TMEM248: variants seen among roughly 807,000 people sequenced by gnomAD.
TMEM248 encodes transmembrane protein 248.
In TMEM248, 9 loss-of-function variants were observed where a neutral mutation model predicts 30.3. The ratio of observed to expected loss-of-function variants is 0.30; its 90% CI spans 0.18 to 0.52. The LOEUF is 0.52. TMEM248 is among the 20% of genes least tolerant of loss of function. The pLI, the probability that TMEM248 is intolerant of heterozygous loss-of-function variation, is 0.97. For synonymous variants in TMEM248, 184 were observed against 154.4 expected, an observed-to-expected ratio of 1.19 and a Z score of -1.42; for missense variants, 338 against 403.3, an observed-to-expected ratio of 0.84 and a Z score of 1.39.
chr7:66,921,629 C>T (rs1791387492), intron 1 of TMEM248, among the ~76,000 whole-genome samples, 168 bp downstream of exon 1: 1 of 152,148 alleles, frequency 6.6e-6, no homozygotes, highest in African/African-American at 2.4e-5. Flanking sequence ...CCAGCATCGG[C>T]CGACCTCGGC....
At chr7:66,948,171 A>G (rs1020832326) in intron 3 of TMEM248, among the ~76,000 whole-genome samples, 1 of 152,212 alleles carries the variant, frequency 6.6e-6, no homozygotes, top group African/African-American at 2.4e-5. Context: ...AGTCATGTTC[A>G]TGGGAGAGTA....
Position 66,956,429 on chromosome 7 carries a change from T to C in TMEM248, c.*907T>C, listed in dbSNP as rs1404317489. The C allele has an allele frequency of 2.0e-5, 3 of 152,070 alleles. No individual in the cohort carries two copies. The highest frequency in any genetic ancestry group is 4.8e-5 in the African/African-American group (2 of 41,324). The allele number at this position is 152,070 out of a possible 1,614,324, so 9.4% of individuals were successfully genotyped here. A position where few individuals can be genotyped will look rare whatever the true frequency, so the allele number is the denominator to read the frequency against. ...GCTCTTCTGCTTTCTGGAATGCAGATGACAGTATGGAAAGAAAGAATAATG... is the reference window on the plus strand; with the variant it reads ...GCTCTTCTGCTTTCTGGAATGCAGACGACAGTATGGAAAGAAAGAATAATG... On this transcript the variant is annotated 3_prime_UTR_variant, in exon 7 of 7. Coordinates refer to ENST00000341567, the MANE Select transcript of TMEM248 (RefSeq NM_017994.5).
Position 66,954,550 on chromosome 7 carries a change from C to T in TMEM248, c.925-952C>T, listed in dbSNP as rs111599052. ...TAGCTGGGACCACAGGCATGCATCA[C>T]CACACCTGGTTAATTTTTGTATTTT... is the stretch of plus-strand genomic sequence containing the variant. On this transcript the variant is annotated intron_variant, in intron 6 of 6. Transcript: ENST00000341567. Among the ~76,000 whole-genome samples the T allele has an allele frequency of 1.3e-3, 194 of 151,954 alleles. 1 individual carries two copies. Among genetic ancestry groups the T allele is most frequent in the African/African-American group, 4.5e-3 (187 of 41,468 alleles).
chr7:66,930,611 G>T (rs949469166), intron 1 of TMEM248: 3 of 152,368 alleles, frequency 2.0e-5, no homozygotes, highest in African/African-American at 7.2e-5. Context: ...CTCTCTGAAG[G>T]TTCATTCTGC....
At chr7:66,938,772 C>T (rs1291451187) in intron 1 of TMEM248, among the ~76,000 whole-genome samples, 1 of 152,174 alleles carries the variant, frequency 6.6e-6, no homozygotes, top group African/African-American at 2.4e-5. Context: ...TCCCAAAGTG[C>T]TGGGATTACA....
intron 1 of TMEM248, chr7:66,921,973 G>A (rs1791397405): frequency 6.6e-6 from 1 of 152,242 alleles, no homozygotes; most frequent in Admixed American, 6.6e-5. Flanking sequence ...AAAATGAGGA[G>A]TGATCGCAAG....
Position 66,945,071 on chromosome 7 carries a change from G to A in TMEM248, c.255G>A (p.Pro85=), listed in dbSNP as rs11771987. ...LKHLTNDTTT[P]ESTMTSGQAR... Reference sequence around the variant, plus strand: ...ATCTCACAAACGACACCACAACTCCGGAAAGTACAATGACCAGCGGGCAGG... The same window carrying A: ...ATCTCACAAACGACACCACAACTCCAGAAAGTACAATGACCAGCGGGCAGG... The change falls in exon 3 of 7, where the codon CCG becomes CCA. Residue 85 remains proline (P), a synonymous_variant. Transcript: ENST00000341567. 649 of 1,614,082 alleles carry A rather than the reference G, an allele frequency of 4.0e-4. 1 individual carries two copies. Among genetic ancestry groups the A allele is most frequent in the Non-Finnish European group, 4.9e-4 (573 of 1,180,044 alleles).
chr7:66,923,128 T>A (rs1259021353), intron 1 of TMEM248, among the ~76,000 whole-genome samples: 2 of 151,970 alleles, frequency 1.3e-5, no homozygotes, highest in African/African-American at 4.8e-5. Context: ...GATTTTGTTA[T>A]GGTTAGGATC....
chr7:66,929,071 A>G (rs937046663), intron 1 of TMEM248, among the ~76,000 whole-genome samples: 2 of 152,156 alleles, frequency 1.3e-5, no homozygotes, highest in Non-Finnish European at 2.9e-5. Context: ...TATGGGCAGG[A>G]GCCATTGTGC....
intron 3 of TMEM248, 119 bp downstream of exon 3, chr7:66,945,380 T>C (rs1396465640): frequency 8.6e-7 from 1 of 1,158,544 alleles, no homozygotes; most frequent in Non-Finnish European, 1.2e-6. Context: ...CGCGTGTCTT[T>C]TTTTTGTTGA....
Position 66,921,415 on chromosome 7 carries a change from AGCTGGCCCG to A in TMEM248, c.-59_-51del, listed in dbSNP as rs1229882947. ...GCGCGACCGCGGGCGTCCGCCGAGC[AGCTGGCCCG>A]GCTGGGCCCGGGGCGCGCAGCTGCC... On this transcript the variant is annotated 5_prime_UTR_variant, in exon 1 of 7. Transcript: ENST00000341567. 1 of 149,724 alleles carries A rather than the reference AGCTGGCCCG, an allele frequency of 6.7e-6. No individual in the cohort carries two copies. Among genetic ancestry groups the A allele is most frequent in the Non-Finnish European group, 1.5e-5 (1 of 67,254 alleles). The allele number at this position is 149,724 out of a possible 1,614,324, so 9.3% of individuals were successfully genotyped here. A position where few individuals can be genotyped will look rare whatever the true frequency, so the allele number is the denominator to read the frequency against.
chr7:66,955,487 C>T lies in TMEM248; in HGVS notation c.925-15C>T, dbSNP rs1562946853. The stretch of plus-strand genomic sequence containing the variant: ...TCCCTTTTTTGACTGGTTTCCCTGG[C>T]TTGCTGTCTTCCAGGTGGCTTTGGC... On this transcript the variant is annotated splice_polypyrimidine_tract_variant and intron_variant, in intron 6 of 6. Coordinates refer to ENST00000341567, the MANE Select transcript of TMEM248 (RefSeq NM_017994.5). 6.2e-7 allele frequency: 1 copy of T among 1,614,074 alleles called. No homozygotes were observed. The highest frequency in any genetic ancestry group is 1.7e-4 in the Middle Eastern group (1 of 6,060).
At chr7:66,927,116 T>C (rs753108613) in intron 1 of TMEM248, among the ~76,000 whole-genome samples, 3 of 152,236 alleles carry the variant, frequency 2.0e-5, no homozygotes, top group Non-Finnish European at 2.9e-5. Context: ...TTAAGATGGT[T>C]GGCAATTATT....
chr7:66,935,566 G>A (rs1367041792), intron 1 of TMEM248, among the ~76,000 whole-genome samples: 1 of 152,062 alleles, frequency 6.6e-6, no homozygotes, highest in East Asian at 1.9e-4. Flanking sequence ...TTTTTGAAAC[G>A]GAGTCTTACT....
intron 3 of TMEM248, among the ~76,000 whole-genome samples, chr7:66,947,264 A>G (rs1792131359): frequency 6.6e-6 from 1 of 151,542 alleles, no homozygotes; most frequent in Admixed American, 6.6e-5. Context: ...TCCTTCAAGG[A>G]ATTTAAGTGC....
rs1268031550 is a variant in TMEM248 at position 66,949,113 on chromosome 7, C to A, written c.596+419C>A. Among the ~76,000 whole-genome samples, 10 of 132,456 alleles carry A rather than the reference C, an allele frequency of 7.5e-5. 1 individual carries two copies. Among genetic ancestry groups the A allele is most frequent in the African/African-American group, 2.6e-4 (9 of 35,044 alleles). The allele number at this position is 132,456 out of a possible 152,430, so 86.9% of individuals were successfully genotyped here. A position where few individuals can be genotyped will look rare whatever the true frequency, so the allele number is the denominator to read the frequency against. ...CCCCGGAGTTCAAGACCAGCCTGGACAACATATAGGGAGACCCTGTCTCTA... is the reference window on the plus strand; with the variant it reads ...CCCCGGAGTTCAAGACCAGCCTGGAAAACATATAGGGAGACCCTGTCTCTA... On this transcript the variant is annotated intron_variant, in intron 4 of 6. Coordinates refer to ENST00000341567, the MANE Select transcript of TMEM248 (RefSeq NM_017994.5).
intron 1 of TMEM248, among the ~76,000 whole-genome samples, chr7:66,924,049 T>C (rs964381504): frequency 6.6e-6 from 1 of 152,250 alleles, no homozygotes; most frequent in Non-Finnish European, 1.5e-5. Flanking sequence ...GCTTAACTTA[T>C]TTTATTAAGG....
At chr7:66,938,287 T>C (rs1185526166) in intron 1 of TMEM248, among the ~76,000 whole-genome samples, 1 of 152,188 alleles carries the variant, frequency 6.6e-6, no homozygotes, top group East Asian at 1.9e-4. Flanking sequence ...GATTTTTCTC[T>C]GGTGGTATGT....
intron 1 of TMEM248, among the ~76,000 whole-genome samples, chr7:66,922,693 G>A (rs1026219334): frequency 2.9e-5 from 4 of 138,106 alleles, no homozygotes; most frequent in African/African-American, 1.0e-4. Flanking sequence ...TGGCAAGGAG[G>A]AAAGGTAGAT....
Sources: allele counts gnomAD v4.1 joint callset (sites outside exome capture counted in the v4.1 genomes callset), GRCh38; gene constraint gnomAD v4.1.1; transcripts MANE v1.5; gene names NCBI Gene and HGNC (gene_info 2026-07-23, HGNC 2026-07-21).